ANKFN1: variants seen among roughly 807,000 people sequenced by gnomAD.
ANKFN1 encodes ankyrin repeat and fibronectin type-III domain-containing protein 1.
A neutral mutation model predicts 108.7 loss-of-function variants in ANKFN1; 74 were observed. That is an observed-to-expected ratio of 0.68 (90% CI 0.56 to 0.83). ANKFN1 has a LOEUF of 0.83. Ranked by LOEUF, ANKFN1 falls within the 40% of genes least tolerant of loss-of-function variation. The pLI is 0.00. For synonymous variants in ANKFN1, 547 were observed against 516.2 expected (o/e 1.06, Z -0.81); for missense variants, 1,505 against 1,382.3 (o/e 1.09, Z -1.41).
At chr17:56,193,311 G>A (rs1176409471) in intron 1 of ANKFN1, among the ~76,000 whole-genome samples, 17 of 143,538 alleles carry the variant, frequency 1.2e-4, no homozygotes, top group African/African-American at 3.9e-4. Context: ...TAGATGACGA[G>A]TTAGTGGGTG....
Position 56,457,304 on chromosome 17 carries a change from T to G in ANKFN1, c.1355T>G (p.Val452Gly). ...VIFYYKDNIL[V>G]TNEDQVPIVE... ...TTTTATTACAAAGACAATATCTTAGTCACCAATGAAGATCAAGTACCAATT... is the reference window on the plus strand; with the variant it reads ...TTTTATTACAAAGACAATATCTTAGGCACCAATGAAGATCAAGTACCAATT... Residue 452 changes from valine to glycine, a missense_variant, in exon 13 of 21, where the codon GTC (valine) becomes GGC (glycine). Val to Gly is a moderately radical substitution (Grantham distance 109). Transcript: ENST00000682825. The G allele has an allele frequency of 6.2e-7, 1 of 1,602,524 alleles. No individual in the cohort carries two copies. The highest frequency in any genetic ancestry group is 8.5e-7 in the Non-Finnish European group (1 of 1,172,854).
At chr17:56,335,176 T>G (rs1413746488) in intron 4 of ANKFN1, among the ~76,000 whole-genome samples, 5 of 152,310 alleles carry the variant, frequency 3.3e-5, no homozygotes, top group Non-Finnish European at 7.3e-5. Context: ...TTGTTCTTTT[T>G]GCTTAGAATT....
Position 56,087,415 on chromosome 17 carries a change from T to C in ANKFN1, c.288+41090T>C, listed in dbSNP as rs115009021. 8.7e-3 allele frequency among the ~76,000 whole-genome samples: 1,317 copies of C among 151,484 alleles called. 57 individuals are homozygous for C. The highest frequency in any genetic ancestry group is 0.03 in the African/African-American group (1,248 of 41,350). ...CCACTATGTCCTTTCAGAGAGACTGTGGTTTCTTTATCCGGGCAGTGTCTC... is the reference window on the plus strand; with the variant it reads ...CCACTATGTCCTTTCAGAGAGACTGCGGTTTCTTTATCCGGGCAGTGTCTC... On this transcript the variant is annotated intron_variant, in intron 4 of 12. Transcript: ENST00000635860.
intron 6 of ANKFN1, among the ~76,000 whole-genome samples, chr17:56,357,838 C>T (rs2046413943): frequency 1.3e-5 from 2 of 152,150 alleles, no homozygotes; most frequent in Non-Finnish European, 2.9e-5. Flanking sequence ...GTGTTTTACA[C>T]CTACAAAAAT....
Position 56,326,332 on chromosome 17 carries a change from TG to T in ANKFN1, c.166del (p.Ala56LeufsTer6). 6.2e-7 allele frequency: 1 copy of T among 1,613,670 alleles called. No homozygotes were observed. Among genetic ancestry groups the T allele is most frequent in the African/African-American group, 1.3e-5 (1 of 75,050 alleles). ...GACAATTACCAACAACTTGTTCCTC[TG>T]CTGCCTCGAACAGCATAAACTGGTA... ...TGQLPTTCSS[A>X]ASNSINWNCR... is the part of the protein sequence containing the mutation. On this transcript the variant is annotated frameshift_variant, in exon 4 of 21. Transcript: ENST00000682825. LOFTEE classifies it high-confidence loss of function.
At chr17:56,480,987 T>A (rs1301961475) in intron 17 of ANKFN1, among the ~76,000 whole-genome samples, 169 bp downstream of exon 17, 1 of 148,154 alleles carries the variant, frequency 6.7e-6, no homozygotes, top group Non-Finnish European at 1.5e-5. Context: ...TGCCCACAGG[T>A]AGACACAGCC....
At chr17:56,176,346 A>G (rs2143598284) in intron 1 of ANKFN1, among the ~76,000 whole-genome samples, 1 of 152,308 alleles carries the variant, frequency 6.6e-6, no homozygotes, top group South Asian at 2.1e-4. Context: ...AACATTGTTT[A>G]AATTCCTGAA....
chr17:56,167,304 T>TAC (rs747754835), intron 1 of ANKFN1, among the ~76,000 whole-genome samples: 93 of 95,908 alleles, frequency 9.7e-4, no homozygotes, highest in Admixed American at 2.6e-3. Context: ...CATACATATA[T>TAC]ACACACACAC....
At chr17:56,371,272 A>G (rs2046804759) in intron 6 of ANKFN1, among the ~76,000 whole-genome samples, 1 of 152,180 alleles carries the variant, frequency 6.6e-6, no homozygotes, top group Non-Finnish European at 1.5e-5. Context: ...AGAAAGAAGA[A>G]AGAAAGAAAA....
At chr17:56,322,142 A>G (rs886527858) in intron 3 of ANKFN1, among the ~76,000 whole-genome samples, 1 of 152,188 alleles carries the variant, frequency 6.6e-6, no homozygotes, top group Non-Finnish European at 1.5e-5. Context: ...CTTAAAAAAA[A>G]GAGCACAGAC....
intron 3 of ANKFN1, among the ~76,000 whole-genome samples, chr17:56,312,590 C>T (rs7221133): frequency 2.6e-5 from 4 of 151,860 alleles, no homozygotes; most frequent in Non-Finnish European, 4.4e-5. Context: ...TTCCTTTGCT[C>T]GTCTCCAGTT....
chr17:56,486,864 T>C (rs1230560380), intron 18 of ANKFN1, among the ~76,000 whole-genome samples: 5 of 152,250 alleles, frequency 3.3e-5, no homozygotes, highest in African/African-American at 1.2e-4. Flanking sequence ...TTGACTTGTA[T>C]AAGTCATCCC....
chr17:56,377,831 T>C (rs1230369373), intron 8 of ANKFN1, among the ~76,000 whole-genome samples: 1 of 152,214 alleles, frequency 6.6e-6, no homozygotes, highest in African/African-American at 2.4e-5. Flanking sequence ...ATCCACAAGA[T>C]GAAACATTTT....
chr17:56,125,947 T>C (rs1325678172), intron 4 of ANKFN1, among the ~76,000 whole-genome samples: 1 of 152,132 alleles, frequency 6.6e-6, no homozygotes, highest in East Asian at 1.9e-4. Context: ...TTTCCCTTCA[T>C]GAGAATGAAG....
chr17:56,460,516 C>G (rs2049865706), intron 14 of ANKFN1, among the ~76,000 whole-genome samples: 1 of 151,978 alleles, frequency 6.6e-6, no homozygotes, highest in Non-Finnish European at 1.5e-5. Flanking sequence ...TCTCCTTCCC[C>G]ACACTCTCCT....
intron 8 of ANKFN1, among the ~76,000 whole-genome samples, chr17:56,383,440 A>G (rs1371242749): frequency 6.6e-6 from 1 of 152,184 alleles, no homozygotes; most frequent in Non-Finnish European, 1.5e-5. Flanking sequence ...AAGAGCAAAC[A>G]CATTCAAAAG....
intron 11 of ANKFN1, among the ~76,000 whole-genome samples, chr17:56,455,395 T>C (rs1161691913): frequency 1.3e-5 from 2 of 152,248 alleles, no homozygotes; most frequent in Admixed American, 1.3e-4. Flanking sequence ...TGATTTTGCT[T>C]TGTTCTGCAA....
At chr17:56,197,091 G>A (rs914626337) in intron 1 of ANKFN1, among the ~76,000 whole-genome samples, 3 of 152,142 alleles carry the variant, frequency 2.0e-5, no homozygotes, top group Non-Finnish European at 4.4e-5. Context: ...ACATGTAGAG[G>A]CTGCAATCTC....
intron 1 of ANKFN1, among the ~76,000 whole-genome samples, chr17:56,174,626 A>T (rs1452501473): frequency 1.3e-5 from 2 of 152,196 alleles, no homozygotes; most frequent in African/African-American, 4.8e-5. Context: ...GACAGAGCAC[A>T]AGAGCTACAG....
Sources: gnomAD v4.1 joint callset for allele counts (sites outside exome capture counted in the v4.1 genomes callset) on GRCh38, gnomAD v4.1.1 for gene constraint, MANE v1.5 for transcripts, NCBI Gene and HGNC (gene_info 2026-07-23, HGNC 2026-07-21) for gene names.